The following CCSER1 variants were observed in gnomAD, a reference collection of about 807,000 sequenced individuals.
CCSER1 encodes serine-rich coiled-coil domain-containing protein 1.
A neutral mutation model predicts 82.0 loss-of-function variants in CCSER1; 41 were observed. The observed-to-expected ratio is 0.50, with a 90% CI of 0.39 to 0.65. The LOEUF is 0.65. Ranked by LOEUF, CCSER1 falls within the 30% of genes least tolerant of loss-of-function variation. The pLI, the probability that CCSER1 is intolerant of heterozygous loss-of-function variation, is 0.00. For synonymous variants in CCSER1, 414 were observed against 383.9 expected, an observed-to-expected ratio of 1.08 and a Z score of -0.92; for missense variants, 1,119 against 1,064.2, an observed-to-expected ratio of 1.05 and a Z score of -0.72.
intron 7 of CCSER1, among the ~76,000 whole-genome samples, chr4:90,792,957 A>G (rs1755475598): frequency 6.6e-6 from 1 of 152,148 alleles, no homozygotes; most frequent in Non-Finnish European, 1.5e-5. Context: ...TGGAGTGCAG[A>G]TGTTTCAGCT....
chr4:90,961,520 G>A (rs1362959231), intron 9 of CCSER1, among the ~76,000 whole-genome samples: 1 of 151,960 alleles, frequency 6.6e-6, no homozygotes, highest in Non-Finnish European at 1.5e-5. Context: ...TATGTTGAAA[G>A]CAAAAGAAAA....
At chr4:90,550,427 G>A (rs911702778) in intron 5 of CCSER1, among the ~76,000 whole-genome samples, 3 of 151,966 alleles carry the variant, frequency 2.0e-5, no homozygotes, top group Non-Finnish European at 4.4e-5. Context: ...AGATTCTATA[G>A]TATTGTTTCA....
At chr4:90,808,536 GCAAGAAAAAAAATAAATAATCC>G (rs955163788) in intron 7 of CCSER1, among the ~76,000 whole-genome samples, 9 of 151,704 alleles carry the variant, frequency 5.9e-5, no homozygotes, top group Admixed American at 5.3e-4. Context: ...ACTCAAATCA[GCAAGAAAAAAAATAAATAATCC>G]CATCAAAAAG....
At chr4:90,252,009 T>C (rs1722480187) in intron 1 of CCSER1, among the ~76,000 whole-genome samples, 1 of 151,924 alleles carries the variant, frequency 6.6e-6, no homozygotes, top group Admixed American at 6.6e-5. Flanking sequence ...TTTCATTTGG[T>C]CTTCTTTGGT....
rs1764886095 is a variant in CCSER1, at chr4:91,603,589, A to G, written c.*4532A>G. The G allele has an allele frequency of 6.6e-6, 1 of 152,138 alleles. No homozygotes were observed. The highest frequency in any genetic ancestry group is 2.4e-5 in the African/African-American group (1 of 41,456). 9.4% of individuals were successfully genotyped at this position (152,138 alleles called of 1,614,324 possible). ...CCACGGTTCTTTTTAGAGCATTTTC[A>G]GTGTAGCCTCATTAACTTCTCCAAT... On this transcript the variant is annotated 3_prime_UTR_variant, in exon 11 of 11. Coordinates refer to ENST00000509176, the MANE Select transcript of CCSER1 (RefSeq NM_001145065.2).
At chr4:90,281,513 A>G (rs1445229585) in intron 1 of CCSER1, among the ~76,000 whole-genome samples, 3 of 152,026 alleles carry the variant, frequency 2.0e-5, no homozygotes, top group Non-Finnish European at 2.9e-5. Context: ...AATTTTTTCC[A>G]TATTTTATAT....
At chr4:90,128,667 G>GGGTGAC (rs1014164326) in intron 1 of CCSER1, among the ~76,000 whole-genome samples, 4 of 152,164 alleles carry the variant, frequency 2.6e-5, no homozygotes, top group Non-Finnish European at 5.9e-5. Context: ...CAAGGGGTAA[G>GGGTGAC]GGTGACGGAG....
At chr4:91,121,869 T>A (rs1420016607) in intron 10 of CCSER1, among the ~76,000 whole-genome samples, 1 of 151,602 alleles carries the variant, frequency 6.6e-6, no homozygotes, top group Non-Finnish European at 1.5e-5. Context: ...CCATAATTTC[T>A]ATAGAAATAT....
intron 9 of CCSER1, among the ~76,000 whole-genome samples, chr4:90,998,714 C>T (rs1453947667): frequency 1.7e-5 from 2 of 115,982 alleles, no homozygotes; most frequent in African/African-American, 6.1e-5. Context: ...TCTAATTTAG[C>T]ATTACACAGT....
intron 9 of CCSER1, among the ~76,000 whole-genome samples, chr4:90,930,916 A>G (rs976070703): frequency 3.9e-5 from 5 of 127,188 alleles, no homozygotes; most frequent in Non-Finnish European, 3.5e-5. Context: ...TATTTTATAT[A>G]TATATATATA....
chr4:91,548,483 C>A (rs904867865), intron 10 of CCSER1, among the ~76,000 whole-genome samples: 1 of 151,726 alleles, frequency 6.6e-6, no homozygotes, highest in African/African-American at 2.4e-5. Flanking sequence ...AGTTTCTAGT[C>A]TGTATTGTTT....
At position 91,085,187 on chromosome 4, in the gene CCSER1, A is replaced by G. The variant is rs1325437806; in HGVS notation, c.2173-763A>G. 3.3e-5 allele frequency among the ~76,000 whole-genome samples: 5 copies of G among 152,002 alleles called. No homozygotes were observed. In the East Asian group the frequency reaches 7.7e-4, roughly 24 times the overall value. On this transcript the variant is annotated intron_variant, in intron 9 of 10. Transcript: ENST00000509176. ...GTAATGCAAATATATAATTATTATT[A>G]TGTGCTATTCAAATTTTCATCAAAA...
At chr4:91,148,260 T>G (rs2148945555) in intron 10 of CCSER1, among the ~76,000 whole-genome samples, 1 of 152,286 alleles carries the variant, frequency 6.6e-6, no homozygotes, top group Non-Finnish European at 1.5e-5. Context: ...CTTTAATTGT[T>G]CTAAATTACT....
At chr4:91,374,783 G>A (rs1227473013) in intron 10 of CCSER1, among the ~76,000 whole-genome samples, 3 of 152,188 alleles carry the variant, frequency 2.0e-5, no homozygotes, top group Non-Finnish European at 4.4e-5. Context: ...ATCTCTTGAG[G>A]TCAGGAGTTT....
rs534170465 is a variant in CCSER1, at chr4:91,243,375, C to A, written c.2217+157381C>A. On this transcript the variant is annotated intron_variant, in intron 10 of 10. Coordinates refer to ENST00000509176, the MANE Select transcript of CCSER1 (RefSeq NM_001145065.2). ...TTTCTAGGCAACTTGTAGTGCTAGTCTGGGATTAGAGCCAGTGGACTGGGG... is the reference window on the plus strand; with the variant it reads ...TTTCTAGGCAACTTGTAGTGCTAGTATGGGATTAGAGCCAGTGGACTGGGG... 2.6e-5 allele frequency among the ~76,000 whole-genome samples: 4 copies of A among 152,268 alleles called. 1 individual carries two copies. In the South Asian group the frequency reaches 8.3e-4, roughly 32 times the overall value.
At chr4:90,915,084 G>T (rs545017366) in intron 8 of CCSER1, among the ~76,000 whole-genome samples, 2 of 152,178 alleles carry the variant, frequency 1.3e-5, no homozygotes, top group African/African-American at 4.8e-5. Flanking sequence ...TCTACCAGAG[G>T]TACAAGGAGG....
intron 10 of CCSER1, among the ~76,000 whole-genome samples, chr4:91,575,125 T>C (rs913716768): frequency 1.3e-5 from 2 of 151,940 alleles, no homozygotes; most frequent in African/African-American, 4.8e-5. Context: ...AAGGACAATC[T>C]CTTCAATAAA....
At chr4:91,387,155 C>T (rs948085270) in intron 10 of CCSER1, among the ~76,000 whole-genome samples, 1 of 151,806 alleles carries the variant, frequency 6.6e-6, no homozygotes, top group Non-Finnish European at 1.5e-5. Flanking sequence ...AGAGGATGCC[C>T]TTGTTTATAA....
At chr4:91,598,360 A>G (rs1250625502) in intron 10 of CCSER1, among the ~76,000 whole-genome samples, 1 of 152,176 alleles carries the variant, frequency 6.6e-6, no homozygotes, top group African/African-American at 2.4e-5. Context: ...AAATATAAAA[A>G]TGCCTTTTAG....
Sources: allele counts gnomAD v4.1 joint callset (sites outside exome capture counted in the v4.1 genomes callset), GRCh38; gene constraint gnomAD v4.1.1; transcripts MANE v1.5; gene names NCBI Gene and HGNC (gene_info 2026-07-23, HGNC 2026-07-21).